The following SCAPER variants were observed in gnomAD, a reference collection of about 807,000 sequenced individuals.
SCAPER encodes S phase cyclin A-associated protein in the endoplasmic reticulum.
SCAPER carries 98 observed loss-of-function variants against 182.2 expected under a neutral mutation model. That is an observed-to-expected ratio of 0.54 (90% CI 0.46 to 0.64). The LOEUF is 0.64. Ranked by LOEUF, SCAPER falls within the 30% of genes least tolerant of loss-of-function variation. The pLI, the probability that SCAPER is intolerant of heterozygous loss-of-function variation, is 0.00. For synonymous variants in SCAPER, 605 were observed against 564.6 expected, an observed-to-expected ratio of 1.07 and a Z score of -1.01; for missense variants, 1,432 against 1,690.0, an observed-to-expected ratio of 0.85 and a Z score of 2.68.
intron 21 of SCAPER, among the ~76,000 whole-genome samples, chr15:76,629,184 T>C (rs144688707): frequency 0.079 from 12,083 of 152,322 alleles, 499 homozygotes; most frequent in Middle Eastern, 0.19. Context: ...TTTCTAGATA[T>C]AGGATCATGT....
In SCAPER at chr15:76,834,930, T is replaced by A. The variant is rs145819180; in HGVS notation, c.393+6804A>T. ...AGAAAAAACCTAAAAACCAAAAAAA[T>A]CCCTGAACCAGACAGATTCACAGCG... On this transcript the variant is annotated intron_variant, in intron 5 of 31. Transcript: ENST00000563290. 1.0e-3 allele frequency among the ~76,000 whole-genome samples: 159 copies of A among 151,876 alleles called. 1 individual carries two copies. Among genetic ancestry groups the A allele is most frequent in the African/African-American group, 3.6e-3 (150 of 41,414 alleles).
At chr15:76,350,276 C>T (rs1486042217) in intron 31 of SCAPER, 2 of 151,604 alleles carry the variant, frequency 1.3e-5, no homozygotes, top group Admixed American at 6.6e-5. Flanking sequence ...GTCAATAAAA[C>T]GTCTTTTTTT....
At chr15:76,635,402 C>A (rs2053503831) in intron 21 of SCAPER, among the ~76,000 whole-genome samples, 1 of 152,160 alleles carries the variant, frequency 6.6e-6, no homozygotes. Flanking sequence ...TGTGGAAATT[C>A]AACATAGACA....
At chr15:76,703,721 A>T (rs1598266166) in intron 18 of SCAPER, among the ~76,000 whole-genome samples, 1 of 152,294 alleles carries the variant, frequency 6.6e-6, no homozygotes, top group Non-Finnish European at 1.5e-5. Flanking sequence ...GTGCTTCCAC[A>T]GCATTTCATG....
intron 23 of SCAPER, among the ~76,000 whole-genome samples, chr15:76,507,692 G>T (rs989331919): frequency 2.0e-5 from 3 of 152,044 alleles, no homozygotes; most frequent in Admixed American, 6.6e-5. Flanking sequence ...ATTGCTCTTT[G>T]TGCACAATAA....
chr15:76,793,845 A>C (rs1446013610), intron 8 of SCAPER, among the ~76,000 whole-genome samples: 1 of 152,208 alleles, frequency 6.6e-6, no homozygotes, highest in Non-Finnish European at 1.5e-5. Flanking sequence ...TGGCATCAGA[A>C]GTGGGAGGCA....
At chr15:76,752,688 C>A (rs958428653) in intron 15 of SCAPER, among the ~76,000 whole-genome samples, 3 of 151,544 alleles carry the variant, frequency 2.0e-5, no homozygotes, top group African/African-American at 7.3e-5. Flanking sequence ...AATCATAGAT[C>A]TAGAAAGTAG....
At chr15:76,753,420 C>T (rs748690702) in intron 15 of SCAPER, among the ~76,000 whole-genome samples, 1 of 151,726 alleles carries the variant, frequency 6.6e-6, no homozygotes, top group Non-Finnish European at 1.5e-5. Context: ...AAGCAAACAT[C>T]TATACTGATA....
intron 17 of SCAPER, among the ~76,000 whole-genome samples, chr15:76,727,525 T>C (rs995405790): frequency 1.3e-5 from 2 of 152,036 alleles, no homozygotes; most frequent in African/African-American, 4.8e-5. Flanking sequence ...GCTAGAATAA[T>C]TGGGTATCCA....
intron 8 of SCAPER, among the ~76,000 whole-genome samples, chr15:76,785,882 G>A: frequency 6.6e-6 from 1 of 152,130 alleles, no homozygotes; most frequent in Non-Finnish European, 1.5e-5. Context: ...GTCGTGGGGT[G>A]AGGGACTGTG....
chr15:76,437,312 C>T (rs974619697), intron 25 of SCAPER, among the ~76,000 whole-genome samples: 2 of 152,028 alleles, frequency 1.3e-5, no homozygotes, highest in African/African-American at 2.4e-5. Context: ...TTTCTTCTGG[C>T]GTTTTGCTAG....
intron 5 of SCAPER, among the ~76,000 whole-genome samples, chr15:76,813,230 A>AAAAAAAT (rs1478968658): frequency 6.9e-5 from 5 of 72,612 alleles, no homozygotes; most frequent in African/African-American, 1.9e-4. Flanking sequence ...CTTTCACTAA[A>AAAAAAAT]AAAAAAAAAA....
At chr15:76,788,678 G>A (rs139126146) in intron 8 of SCAPER, among the ~76,000 whole-genome samples, 6 of 151,916 alleles carry the variant, frequency 3.9e-5, no homozygotes, top group Non-Finnish European at 7.4e-5. Flanking sequence ...TCATAGATAC[G>A]GACTTTGAAA....
At chr15:76,901,364 T>C (rs1296934831) in intron 1 of SCAPER, among the ~76,000 whole-genome samples, 1 of 152,266 alleles carries the variant, frequency 6.6e-6, no homozygotes, top group East Asian at 1.9e-4. Context: ...TTTTATCTCA[T>C]GAATGTGGCA....
chr15:76,752,376 C>T (rs1179457689), intron 15 of SCAPER, among the ~76,000 whole-genome samples: 2 of 151,764 alleles, frequency 1.3e-5, no homozygotes, highest in Non-Finnish European at 1.5e-5. Flanking sequence ...CTTTCCAATT[C>T]TGGGTATATA....
At chr15:76,558,045 C>T (rs1459658794) in intron 23 of SCAPER, among the ~76,000 whole-genome samples, 1 of 151,938 alleles carries the variant, frequency 6.6e-6, no homozygotes, top group Non-Finnish European at 1.5e-5. Context: ...CTATAAAAAC[C>T]CTAGAAGAAA....
chr15:76,853,301 G>A (rs2070965769), intron 4 of SCAPER, among the ~76,000 whole-genome samples: 2 of 152,034 alleles, frequency 1.3e-5, no homozygotes, highest in Admixed American at 6.6e-5. Flanking sequence ...AAATTGAGGA[G>A]AAAGAACTCC....
At chr15:76,677,183 A>G (rs2146944296) in intron 20 of SCAPER, among the ~76,000 whole-genome samples, 1 of 152,200 alleles carries the variant, frequency 6.6e-6, no homozygotes, top group East Asian at 1.9e-4. Context: ...CTTCCTTCCT[A>G]ATATAATTTT....
At chr15:76,537,715 A>T (rs1024734483) in intron 23 of SCAPER, among the ~76,000 whole-genome samples, 25 of 152,126 alleles carry the variant, frequency 1.6e-4, no homozygotes, top group African/African-American at 6.0e-4. Flanking sequence ...AAAATTGACA[A>T]ATGGGATCCA....
Sources: gnomAD v4.1 joint callset for allele counts (sites outside exome capture counted in the v4.1 genomes callset) on GRCh38, gnomAD v4.1.1 for gene constraint, MANE v1.5 for transcripts, NCBI Gene and HGNC (gene_info 2026-07-23, HGNC 2026-07-21) for gene names.